Variants in MC1R observed in about 807,000 individuals in gnomAD.
MC1R encodes the protein melanocyte-stimulating hormone receptor.
For synonymous variants in MC1R, 263 were observed against 203.8 expected (o/e 1.29, Z -2.47); for missense variants, 542 against 430.0 (o/e 1.26, Z -2.30).
Position 89,920,609 on chromosome 16 carries a change from G to A in MC1R, c.*397G>A, listed in dbSNP as rs905746764. Reference sequence around the variant, plus strand: ...TGCCAGCTCTCAGGACCGTGCCCTCGTCAGCTGGGATGTGAAGTCTCTGGG... The same window carrying A: ...TGCCAGCTCTCAGGACCGTGCCCTCATCAGCTGGGATGTGAAGTCTCTGGG... On this transcript the variant is annotated 3_prime_UTR_variant, in exon 1 of 1. Transcript: ENST00000555147. The A allele has an allele frequency of 7.1e-6, 5 of 700,074 alleles. No individual in the cohort carries two copies. Among genetic ancestry groups the A allele is most frequent in the South Asian group, 3.1e-5 (2 of 65,222 alleles). 43.4% of individuals were successfully genotyped at this position (700,074 alleles called of 1,614,324 possible).
rs1437395658 is a variant in MC1R, at chr16:89,920,527, C to T, written c.*315C>T. On this transcript the variant is annotated 3_prime_UTR_variant, in exon 1 of 1. Coordinates refer to ENST00000555147, the MANE Select transcript of MC1R (RefSeq NM_002386.4). ...CTAAAGAGACATTTTCCGCCCACTCCTGGGACACTCCGTCTGCTCCAATGA... is the reference window on the plus strand; with the variant it reads ...CTAAAGAGACATTTTCCGCCCACTCTTGGGACACTCCGTCTGCTCCAATGA... 2 of 626,818 alleles carry T rather than the reference C, an allele frequency of 3.2e-6. No homozygotes were observed. Among genetic ancestry groups the T allele is most frequent in the Non-Finnish European group, 5.8e-6 (2 of 344,370 alleles). The allele number at this position is 626,818 out of a possible 1,614,324, so 38.8% of individuals were successfully genotyped here. A position where few individuals can be genotyped will look rare whatever the true frequency, so the allele number is the denominator to read the frequency against.
In MC1R at chr16:89,920,023, C is replaced by A. The variant is rs763966451; in HGVS notation, c.765C>A (p.Gly255=). Residue 255 remains glycine (G), a synonymous_variant, in exon 1 of 1, where the codon GGC becomes GGA. Transcript: ENST00000555147. ...ILLGIFFLCW[G]PFFLHLTLIV... is the part of the protein sequence containing the mutation. ...TGGGCATTTTCTTCCTCTGCTGGGG[C>A]CCCTTCTTCCTGCATCTCACACTCA... 1 of 1,613,738 alleles carries A rather than the reference C, an allele frequency of 6.2e-7. No homozygotes were observed.
In MC1R at chr16:89,920,702, T is replaced by A. The variant is rs1340210978; in HGVS notation, c.*490T>A. The A allele has an allele frequency of 1.4e-6, 1 of 717,120 alleles. No homozygotes were observed. Among genetic ancestry groups the A allele is most frequent in the Non-Finnish European group, 2.6e-6 (1 of 384,996 alleles). 44.4% of individuals were successfully genotyped at this position (717,120 alleles called of 1,614,324 possible). A position where few individuals can be genotyped will look rare whatever the true frequency, so the allele number is the denominator to read the frequency against. On this transcript the variant is annotated 3_prime_UTR_variant, in exon 1 of 1. Coordinates refer to ENST00000555147, the MANE Select transcript of MC1R (RefSeq NM_002386.4). ...GAAGGGGCTTTGTGACCAGAAAGCT[T>A]CATCCACAGCCTTGCAGCGGCTCCT... is the stretch of plus-strand genomic sequence containing the variant.
chr16:89,919,692 C>T lies in MC1R; in HGVS notation c.434C>T (p.Ser145Phe), dbSNP rs2045696466. ...GCCATCGCCGTGGACCGCTACATCT[C>T]CATCTTCTACGCACTGCGCTACCAC... ...LGAIAVDRYI[S>F]IFYALRYHSI... The change falls in exon 1 of 1, where the codon TCC (serine) becomes TTC (phenylalanine). Residue 145 changes from serine to phenylalanine, a missense_variant. Physicochemically the swap from Ser to Phe is radical, Grantham distance 155. Transcript: ENST00000555147. 7.5e-6 allele frequency: 12 copies of T among 1,606,298 alleles called. No individual in the cohort carries two copies. Among genetic ancestry groups the T allele is most frequent in the East Asian group, 2.2e-5 (1 of 44,862 alleles).
Position 89,920,274 on chromosome 16 carries a change from GT to G in MC1R, c.*64del. ...GGAGGTGGTGATATTGTGTGGTCTG[GT>G]TCCTGTGTGACCCTGGGCAGTTCCT... On this transcript the variant is annotated 3_prime_UTR_variant, in exon 1 of 1. Transcript: ENST00000555147. 2.1e-6 allele frequency: 3 copies of G among 1,407,182 alleles called. No individual in the cohort carries two copies. The highest frequency in any genetic ancestry group is 3.0e-6 in the Non-Finnish European group (3 of 1,009,442). The allele number at this position is 1,407,182 out of a possible 1,614,324, so 87.2% of individuals were successfully genotyped here.
Position 89,919,540 on chromosome 16 carries a change from G to A in MC1R, c.282G>A (p.Glu94=). The change falls in exon 1 of 1, where the codon GAG becomes GAA. Residue 94 remains glutamate, a synonymous_variant. Coordinates refer to ENST00000555147, the MANE Select transcript of MC1R (RefSeq NM_002386.4). ...TGGTGAGCGGGAGCAACGTGCTGGA[G>A]ACGGCCGTCATCCTCCTGCTGGAGG... is the stretch of plus-strand genomic sequence containing the variant. The part of the protein sequence containing the change: ...DLLVSGSNVL[E]TAVILLLEAG... The A allele has an allele frequency of 1.2e-6, 2 of 1,612,780 alleles. No homozygotes were observed.
Position 89,918,907 on chromosome 16 carries a change from G to A in MC1R, c.-352G>A. ...GCAGCCCTGGCCCAGGAAGGCAGGAGACAGAGGCCAGGACGGTCCAGAGGT... is the reference window on the plus strand; with the variant it reads ...GCAGCCCTGGCCCAGGAAGGCAGGAAACAGAGGCCAGGACGGTCCAGAGGT... On this transcript the variant is annotated 5_prime_UTR_variant, in exon 1 of 1. Coordinates refer to ENST00000555147, the MANE Select transcript of MC1R (RefSeq NM_002386.4). The A allele has an allele frequency of 3.4e-6, 1 of 296,126 alleles. No homozygotes were observed. The highest frequency in any genetic ancestry group is 5.1e-5 in the East Asian group (1 of 19,792). 18.3% of individuals were successfully genotyped at this position (296,126 alleles called of 1,614,324 possible).
Position 89,919,949 on chromosome 16 carries a change from G to C in MC1R, c.691G>C (p.Val231Leu). ...IARLHKRQRPVHQGFGLKGAV... is the reference protein window; with the variant it reads ...IARLHKRQRPLHQGFGLKGAV... Reference sequence around the variant, plus strand: ...CCGGCTCCACAAGAGGCAGCGCCCGGTCCACCAGGGCTTTGGCCTTAAAGG... The same window carrying C: ...CCGGCTCCACAAGAGGCAGCGCCCGCTCCACCAGGGCTTTGGCCTTAAAGG... The change falls in exon 1 of 1, where the codon GTC (valine) becomes CTC (leucine). Residue 231 changes from valine (V) to leucine (L), a missense_variant. Val to Leu is a conservative substitution (Grantham distance 32). Coordinates refer to ENST00000555147, the MANE Select transcript of MC1R (RefSeq NM_002386.4). The C allele has an allele frequency of 4.3e-6, 7 of 1,611,850 alleles. No homozygotes were observed. Among genetic ancestry groups the C allele is most frequent in the Non-Finnish European group, 5.9e-6 (7 of 1,179,876 alleles).
chr16:89,920,024 C>G lies in MC1R; in HGVS notation c.766C>G (p.Pro256Ala). 6.2e-7 allele frequency: 1 copy of G among 1,613,734 alleles called. No individual in the cohort carries two copies. Among genetic ancestry groups the G allele is most frequent in the Non-Finnish European group, 8.5e-7 (1 of 1,179,888 alleles). ...GGGCATTTTCTTCCTCTGCTGGGGCCCCTTCTTCCTGCATCTCACACTCAT... is the reference window on the plus strand; with the variant it reads ...GGGCATTTTCTTCCTCTGCTGGGGCGCCTTCTTCCTGCATCTCACACTCAT... ...LLGIFFLCWGPFFLHLTLIVL... is the reference protein window; with the variant it reads ...LLGIFFLCWGAFFLHLTLIVL... The change falls in exon 1 of 1, where the codon CCC (proline) becomes GCC (alanine). Residue 256 changes from proline (P) to alanine (A), a missense_variant. Coordinates refer to ENST00000555147, the MANE Select transcript of MC1R (RefSeq NM_002386.4).
rs775933691 is a variant in MC1R, at chr16:89,919,880, G to A, written c.622G>A (p.Val208Ile). 8.1e-6 allele frequency: 13 copies of A among 1,606,492 alleles called. No homozygotes were observed. Among genetic ancestry groups the A allele is most frequent in the South Asian group, 4.4e-5 (4 of 91,060 alleles). The change falls in exon 1 of 1, where the codon GTC becomes ATC. Residue 208 changes from valine to isoleucine, a missense_variant. Physicochemically the swap from Val to Ile is conservative, Grantham distance 29. Transcript: ENST00000555147. ...AMLVLMAVLY[V>I]HMLARACQHA... Reference sequence around the variant, plus strand: ...GCTGGTGCTCATGGCCGTGCTGTACGTCCACATGCTGGCCCGGGCCTGCCA... The same window carrying A: ...GCTGGTGCTCATGGCCGTGCTGTACATCCACATGCTGGCCCGGGCCTGCCA...
chr16:89,919,169 G>C lies in MC1R; in HGVS notation c.-90G>C. The C allele has an allele frequency of 2.2e-6, 2 of 925,172 alleles. No homozygotes were observed. Among genetic ancestry groups the C allele is most frequent in the Non-Finnish European group, 3.2e-6 (2 of 620,032 alleles). 57.3% of individuals were successfully genotyped at this position (925,172 alleles called of 1,614,324 possible). On this transcript the variant is annotated 5_prime_UTR_variant, in exon 1 of 1. Transcript: ENST00000555147. The stretch of plus-strand genomic sequence containing the variant: ...GGGGGACACCCAAGGCCCCCTGGCA[G>C]CACCATGAACTAAGCAGGACACCTG...
In MC1R at chr16:89,919,788, C is replaced by T. The variant is rs773631824; in HGVS notation, c.530C>T (p.Thr177Met). 3.1e-5 allele frequency: 50 copies of T among 1,608,158 alleles called. No homozygotes were observed. The South Asian group carries it at 3.2e-4, about 10-fold the overall frequency. The change falls in exon 1 of 1, where the codon ACG becomes ATG. Residue 177 changes from threonine (T) to methionine (M), a missense_variant. By Grantham distance (81) the Thr-to-Met change is moderately conservative (BLOSUM62 -1). Transcript: ENST00000555147. ...AIWVASVVFS[T>M]LFIAYYDHVA... is the part of the protein sequence containing the mutation. ...TGGGTGGCCAGTGTCGTCTTCAGCA[C>T]GCTCTTCATCGCCTACTACGACCAC...
At position 89,919,506 on chromosome 16, in the gene MC1R, C is replaced by T. The variant is rs777024553; in HGVS notation, c.248C>T (p.Ser83Leu). 81 of 1,613,022 alleles carry T rather than the reference C, an allele frequency of 5.0e-5. No individual in the cohort carries two copies. The highest frequency in any genetic ancestry group is 1.6e-4 in the Middle Eastern group (1 of 6,082). Residue 83 changes from serine (S) to leucine (L), a missense_variant, in exon 1 of 1, where the codon TCG becomes TTG. Transcript: ENST00000555147. Reference protein sequence around the residue: ...MYCFICCLALSDLLVSGSNVL... With the variant: ...MYCFICCLALLDLLVSGSNVL... ...TGCTTCATCTGCTGCCTGGCCTTGTCGGACCTGCTGGTGAGCGGGAGCAAC... is the reference window on the plus strand; with the variant it reads ...TGCTTCATCTGCTGCCTGGCCTTGTTGGACCTGCTGGTGAGCGGGAGCAAC...
Position 89,918,881 on chromosome 16 carries a change from C to T in MC1R, c.-378C>T, listed in dbSNP as rs1030413763. 2.2e-5 allele frequency: 6 copies of T among 274,092 alleles called. No individual in the cohort carries two copies. Among genetic ancestry groups the T allele is most frequent in the Admixed American group, 4.7e-5 (1 of 21,188 alleles). The allele number at this position is 274,092 out of a possible 1,614,324, so 17.0% of individuals were successfully genotyped here. A position where few individuals can be genotyped will look rare whatever the true frequency, so the allele number is the denominator to read the frequency against. On this transcript the variant is annotated 5_prime_UTR_variant, in exon 1 of 1. Coordinates refer to ENST00000555147, the MANE Select transcript of MC1R (RefSeq NM_002386.4). The stretch of plus-strand genomic sequence containing the variant: ...AGCTCCATTCTTCCCAGGACCTCAG[C>T]GCAGCCCTGGCCCAGGAAGGCAGGA...
chr16:89,919,679 G>T lies in MC1R; in HGVS notation c.421G>T (p.Asp141Tyr), dbSNP rs2045696028. 6.2e-7 allele frequency: 1 copy of T among 1,606,222 alleles called. No individual in the cohort carries two copies. Among genetic ancestry groups the T allele is most frequent in the South Asian group, 1.1e-5 (1 of 91,076 alleles). The change falls in exon 1 of 1, where the codon GAC (aspartate) becomes TAC (tyrosine). Residue 141 changes from aspartate (D) to tyrosine (Y), a missense_variant. Asp to Tyr is a radical substitution (Grantham distance 160). Coordinates refer to ENST00000555147, the MANE Select transcript of MC1R (RefSeq NM_002386.4). ...SLCFLGAIAVDRYISIFYALR... is the reference protein window; with the variant it reads ...SLCFLGAIAVYRYISIFYALR... ...CTGCTTCCTGGGCGCCATCGCCGTG[G>T]ACCGCTACATCTCCATCTTCTACGC...
In MC1R at chr16:89,919,145, G is replaced by A. The variant is rs148003355; in HGVS notation, c.-114G>A. 1.0e-3 allele frequency: 752 copies of A among 723,420 alleles called. 4 individuals carry two copies. The Middle Eastern group carries it at 0.011, about 10-fold the overall frequency. The allele number at this position is 723,420 out of a possible 1,614,324, so 44.8% of individuals were successfully genotyped here. A position where few individuals can be genotyped will look rare whatever the true frequency, so the allele number is the denominator to read the frequency against. On this transcript the variant is annotated 5_prime_UTR_variant, in exon 1 of 1. Coordinates refer to ENST00000555147, the MANE Select transcript of MC1R (RefSeq NM_002386.4). ...GCCCAGATGGAAGGAGGCAGGCATG[G>A]GGGACACCCAAGGCCCCCTGGCAGC...
chr16:89,919,790 CTCT>C lies in MC1R; in HGVS notation c.535_537del (p.Phe179del), dbSNP rs1198390842. ...GGTGGCCAGTGTCGTCTTCAGCACG[CTCT>C]TCATCGCCTACTACGACCACGTGGC... On this transcript the variant is annotated inframe_deletion, in exon 1 of 1. Coordinates refer to ENST00000555147, the MANE Select transcript of MC1R (RefSeq NM_002386.4). 1 of 1,608,230 alleles carries C rather than the reference CTCT, an allele frequency of 6.2e-7. No homozygotes were observed. Among genetic ancestry groups the C allele is most frequent in the East Asian group, 2.2e-5 (1 of 44,882 alleles).
rs771176079 is a variant in MC1R, at chr16:89,919,874, C to G, written c.616C>G (p.Leu206Val). 3 of 1,606,330 alleles carry G rather than the reference C, an allele frequency of 1.9e-6. No homozygotes were observed. The highest frequency in any genetic ancestry group is 2.5e-6 in the Non-Finnish European group (3 of 1,179,588). ...GGCTATGCTGGTGCTCATGGCCGTG[C>G]TGTACGTCCACATGCTGGCCCGGGC... The part of the protein sequence containing the change: ...FLAMLVLMAV[L>V]YVHMLARACQ... Residue 206 changes from leucine to valine, a missense_variant, in exon 1 of 1, where the codon CTG (leucine) becomes GTG (valine). Transcript: ENST00000555147.
At position 89,919,794 on chromosome 16, in the gene MC1R, T is replaced by TC. The variant is rs555179612; in HGVS notation, c.537dup (p.Ile180HisfsTer59). 1,825 of 1,608,204 alleles carry TC rather than the reference T, an allele frequency of 1.1e-3. 4 individuals carry two copies. The highest frequency in any genetic ancestry group is 1.4e-3 in the Non-Finnish European group (1,694 of 1,179,820). On this transcript the variant is annotated frameshift_variant, in exon 1 of 1. Coordinates refer to ENST00000555147, the MANE Select transcript of MC1R (RefSeq NM_002386.4). LOFTEE classifies it low-confidence loss of function (END_TRUNC). ...GCCAGTGTCGTCTTCAGCACGCTCT[T>TC]CATCGCCTACTACGACCACGTGGCC...
Sources: allele counts gnomAD v4.1 joint callset, GRCh38; gene constraint gnomAD v4.1.1; transcripts MANE v1.5; gene names NCBI Gene and HGNC (gene_info 2026-07-23, HGNC 2026-07-21).